The following WDR70 variants were observed in gnomAD, a reference collection of about 807,000 sequenced individuals.
WDR70 encodes the protein WD repeat domain 70, also known as WD repeat-containing protein 70.
A neutral mutation model predicts 88.6 loss-of-function variants in WDR70; 53 were observed. That is an observed-to-expected ratio of 0.60 (90% CI 0.48 to 0.75). The LOEUF (loss-of-function observed/expected upper bound fraction) is 0.75, where lower values mean the gene tolerates loss of function less well. Ranked by LOEUF, WDR70 falls within the 30% of genes least tolerant of loss-of-function variation. The probability of loss-of-function intolerance (pLI) is 0.00; values close to 1 mark genes in which losing one functional copy is unlikely to be tolerated. For synonymous variants in WDR70, 280 were observed against 270.0 expected (o/e 1.04, Z -0.36); for missense variants, 610 against 823.2 (o/e 0.74, Z 3.17).
intron 7 of WDR70, among the ~76,000 whole-genome samples, chr5:37,451,207 C>G (rs1382604020): frequency 6.6e-6 from 1 of 152,060 alleles, no homozygotes; most frequent in African/African-American, 2.4e-5. Context: ...CTATTTTTTT[C>G]AAGAAAAGAC....
chr5:37,457,921 C>A (rs1738895698), intron 7 of WDR70, among the ~76,000 whole-genome samples: 1 of 150,768 alleles, frequency 6.6e-6, no homozygotes, highest in African/African-American at 2.4e-5. Context: ...AAAGGGAATG[C>A]TTCCAGTTTT....
chr5:37,524,173 A>T (rs1330088432), intron 9 of WDR70, among the ~76,000 whole-genome samples: 1 of 152,198 alleles, frequency 6.6e-6, no homozygotes, highest in African/African-American at 2.4e-5. Context: ...CAAGACACAT[A>T]ATTGTCAGAT....
intron 10 of WDR70, among the ~76,000 whole-genome samples, chr5:37,649,761 G>A (rs1483180767): frequency 9.3e-5 from 3 of 32,224 alleles, no homozygotes; most frequent in African/African-American, 4.9e-4. Context: ...TTTTTGAGAC[G>A]GAGTCTCGCT....
At chr5:37,416,900 G>A (rs1196775398) in intron 5 of WDR70, among the ~76,000 whole-genome samples, 1 of 152,166 alleles carries the variant, frequency 6.6e-6, no homozygotes, top group South Asian at 2.1e-4. Context: ...AAGCTGAGAA[G>A]CTAATACTCC....
chr5:37,464,824 C>T (rs1221482667), intron 7 of WDR70, among the ~76,000 whole-genome samples: 1 of 152,174 alleles, frequency 6.6e-6, no homozygotes, highest in African/African-American at 2.4e-5. Flanking sequence ...ACTGGAGAAG[C>T]TGTGTTGCAG....
intron 9 of WDR70, 43 bp downstream of exon 9, chr5:37,516,633 G>C: frequency 1.5e-6 from 2 of 1,370,834 alleles, no homozygotes; most frequent in Non-Finnish European, 1.0e-6. Context: ...CATATCTTTA[G>C]GTATTTTATT....
At chr5:37,637,266 G>T (rs1744995430) in intron 10 of WDR70, among the ~76,000 whole-genome samples, 1 of 151,814 alleles carries the variant, frequency 6.6e-6, no homozygotes. Flanking sequence ...GCTTGAACCT[G>T]AGAGGCGAAG....
At chr5:37,601,464 G>T (rs1369209756) in intron 9 of WDR70, among the ~76,000 whole-genome samples, 3 of 152,190 alleles carry the variant, frequency 2.0e-5, no homozygotes, top group Non-Finnish European at 2.9e-5. Context: ...GTTCACTAGG[G>T]ATATTGTTCT....
At chr5:37,739,803 T>A (rs1748420265) in intron 17 of WDR70, among the ~76,000 whole-genome samples, 1 of 151,344 alleles carries the variant, frequency 6.6e-6, no homozygotes, top group South Asian at 2.1e-4. Flanking sequence ...CAGCCCCCCA[T>A]ACCCCGACTG....
At chr5:37,631,365 T>G (rs181941543) in intron 10 of WDR70, among the ~76,000 whole-genome samples, 1 of 152,188 alleles carries the variant, frequency 6.6e-6, no homozygotes, top group Non-Finnish European at 1.5e-5. Context: ...ATATAGAGCT[T>G]GACCAGATAA....
intron 3 of WDR70, 200 bp downstream of exon 3, chr5:37,381,885 C>G (rs1748436228): frequency 2.5e-6 from 1 of 392,182 alleles, no homozygotes; most frequent in Non-Finnish European, 4.9e-6. Flanking sequence ...GAAACCCCAT[C>G]TCAACTAAAA....
At chr5:37,678,339 C>T (rs1746303516) in intron 10 of WDR70, among the ~76,000 whole-genome samples, 1 of 152,170 alleles carries the variant, frequency 6.6e-6, no homozygotes, top group Admixed American at 6.5e-5. Context: ...ATGGTCTTTA[C>T]AATTTGGCAT....
chr5:37,620,180 A>G (rs1744467747), intron 10 of WDR70: 1 of 151,942 alleles, frequency 6.6e-6, no homozygotes, highest in South Asian at 2.1e-4. Flanking sequence ...TTCAGATATA[A>G]TTTTAAAGAT....
At chr5:37,748,312 A>C (rs980351096) in intron 17 of WDR70, among the ~76,000 whole-genome samples, 1 of 152,192 alleles carries the variant, frequency 6.6e-6, no homozygotes, top group African/African-American at 2.4e-5. Context: ...AAACCTACAC[A>C]TCTACAACCA....
At chr5:37,736,282 G>A (rs7707203) in intron 17 of WDR70, among the ~76,000 whole-genome samples, 150,214 of 152,298 alleles carry the variant, frequency 0.99, 74,110 homozygotes, top group East Asian at 1. Context: ...TTGCTGGTTC[G>A]GTCAACTTAA....
At chr5:37,612,530 C>T (rs1032571165) in intron 10 of WDR70, among the ~76,000 whole-genome samples, 1 of 152,130 alleles carries the variant, frequency 6.6e-6, no homozygotes, top group African/African-American at 2.4e-5. Context: ...ATAGGACGTG[C>T]ACATAACAGG....
chr5:37,441,282 G>A (rs1750645525), intron 6 of WDR70, among the ~76,000 whole-genome samples: 1 of 151,928 alleles, frequency 6.6e-6, no homozygotes. Context: ...ATTATTGTTC[G>A]GGCATAAAAA....
At chr5:37,570,561 G>T (rs943029758) in intron 9 of WDR70, among the ~76,000 whole-genome samples, 1 of 152,088 alleles carries the variant, frequency 6.6e-6, no homozygotes, top group African/African-American at 2.4e-5. Flanking sequence ...CTGAGGAAAT[G>T]ACGATATTTA....
At chr5:37,741,178 C>T (rs1748462837) in intron 17 of WDR70, among the ~76,000 whole-genome samples, 1 of 151,616 alleles carries the variant, frequency 6.6e-6, no homozygotes, top group Non-Finnish European at 1.5e-5. Flanking sequence ...AAGGCACCTC[C>T]TTTTTGTCCC....
Sources: allele counts gnomAD v4.1 joint callset (sites outside exome capture counted in the v4.1 genomes callset), GRCh38; gene constraint gnomAD v4.1.1; transcripts MANE v1.5; gene names NCBI Gene and HGNC (gene_info 2026-07-23, HGNC 2026-07-21).